Variants in ZBTB16 observed in about 807,000 individuals in gnomAD.
The protein encoded by ZBTB16 is zinc finger and BTB domain-containing protein 16.
In ZBTB16, 8 loss-of-function variants were observed where a neutral mutation model predicts 56.8. The observed-to-expected ratio is 0.14, with a 90% CI of 0.08 to 0.25. ZBTB16 has a LOEUF of 0.25. Among genes scored for constraint, ZBTB16 ranks in the 10% least tolerant of loss-of-function variants. The probability of loss-of-function intolerance (pLI) is 1.00; values close to 1 mark genes in which losing one functional copy is unlikely to be tolerated. For synonymous variants in ZBTB16, 363 were observed against 368.5 expected, an observed-to-expected ratio of 0.98 and a Z score of 0.17; for missense variants, 625 against 903.0, an observed-to-expected ratio of 0.69 and a Z score of 3.95.
At chr11:114,229,975 AATCAGAATC>A (rs1555158910) in intron 4 of ZBTB16, among the ~76,000 whole-genome samples, 2 of 152,136 alleles carry the variant, frequency 1.3e-5, no homozygotes, top group Non-Finnish European at 2.9e-5. Flanking sequence ...AACGCAGTGA[AATCAGAATC>A]ACCTGATTTC....
chr11:114,252,817 T>G lies in ZBTB16; in HGVS notation c.*2262T>G, dbSNP rs509103. ...CGGCCCCAGCCCTCCTGCCCTCCCC[T>G]TCAATCTCATCCACCAAATCTGAAG... is the stretch of plus-strand genomic sequence containing the variant. On this transcript the variant is annotated 3_prime_UTR_variant, in exon 7 of 7. Coordinates refer to ENST00000335953, the MANE Select transcript of ZBTB16 (RefSeq NM_006006.6). Among the ~76,000 whole-genome samples the G allele has an allele frequency of 0.37, 56,293 of 150,682 alleles. 10,942 individuals carry two copies. Among genetic ancestry groups the G allele is most frequent in the East Asian group, 0.73 (3,732 of 5,096 alleles).
At position 114,251,639 on chromosome 11, in the gene ZBTB16, A is replaced by T. The variant is rs1944918504; in HGVS notation, c.*1084A>T. ...AGCTGGGCAAGGGAGAAAGTTGTTG[A>T]GTCACACTGGGGACCCCAGATGTAG... On this transcript the variant is annotated 3_prime_UTR_variant, in exon 7 of 7. Coordinates refer to ENST00000335953, the MANE Select transcript of ZBTB16 (RefSeq NM_006006.6). 6.6e-6 allele frequency among the ~76,000 whole-genome samples: 1 copy of T among 152,172 alleles called. No homozygotes were observed. The highest frequency in any genetic ancestry group is 1.5e-5 in the Non-Finnish European group (1 of 68,032).
At chr11:114,152,313 G>A (rs1942297777) in intron 2 of ZBTB16, among the ~76,000 whole-genome samples, 1 of 152,296 alleles carries the variant, frequency 6.6e-6, no homozygotes, top group South Asian at 2.1e-4. Context: ...GCACAGAAAT[G>A]GTTCAAATGA....
intron 2 of ZBTB16, among the ~76,000 whole-genome samples, chr11:114,110,758 A>T (rs1940975768): frequency 6.6e-6 from 1 of 152,318 alleles, no homozygotes; most frequent in Non-Finnish European, 1.5e-5. Flanking sequence ...TACGTAATAA[A>T]AAGCTTCATT....
chr11:114,193,499 A>G (rs1288345907), intron 4 of ZBTB16, among the ~76,000 whole-genome samples: 1 of 151,732 alleles, frequency 6.6e-6, no homozygotes, highest in African/African-American at 2.4e-5. Flanking sequence ...GACCATGGTG[A>G]CTCTTTCCGA....
rs537718124 is a variant in ZBTB16 at position 114,197,474 on chromosome 11, C to T, written c.1453+10436C>T. Among the ~76,000 whole-genome samples, 5 of 152,284 alleles carry T rather than the reference C, an allele frequency of 3.3e-5. No homozygotes were observed. In the South Asian group the frequency reaches 1.0e-3, roughly 32 times the overall value. On this transcript the variant is annotated intron_variant, in intron 4 of 6. Coordinates refer to ENST00000335953, the MANE Select transcript of ZBTB16 (RefSeq NM_006006.6). Reference sequence around the variant, plus strand: ...CTCTTTGTCTCTCTCTCTCTCTTTGCACTGTGTGGCCTCCCCCTTTGGAGG... The same window carrying T: ...CTCTTTGTCTCTCTCTCTCTCTTTGTACTGTGTGGCCTCCCCCTTTGGAGG...
chr11:114,115,420 G>A (rs1941141761), intron 2 of ZBTB16, among the ~76,000 whole-genome samples: 1 of 150,572 alleles, frequency 6.6e-6, no homozygotes, highest in East Asian at 2.0e-4. Flanking sequence ...TCTATTGTTG[G>A]GACTTCAAGA....
At chr11:114,140,940 C>T (rs914590503) in intron 2 of ZBTB16, among the ~76,000 whole-genome samples, 11 of 152,186 alleles carry the variant, frequency 7.2e-5, no homozygotes, top group African/African-American at 2.2e-4. Context: ...CGCTGAGCCT[C>T]CCGCGCCCAG....
chr11:114,241,581 A>C (rs1944704512), intron 4 of ZBTB16, among the ~76,000 whole-genome samples: 2 of 152,140 alleles, frequency 1.3e-5, no homozygotes, highest in Admixed American at 6.5e-5. Context: ...TACGTGGAAA[A>C]ATTGCCTTCC....
At chr11:114,062,312 AG>A (rs1938912926) in intron 1 of ZBTB16, among the ~76,000 whole-genome samples, 1 of 151,870 alleles carries the variant, frequency 6.6e-6, no homozygotes. Context: ...CATGTTGGTC[AG>A]GCTGGTCTCG....
intron 3 of ZBTB16, among the ~76,000 whole-genome samples, chr11:114,174,307 C>G (rs766764774): frequency 2.9e-5 from 4 of 139,242 alleles, no homozygotes; most frequent in Non-Finnish European, 4.6e-5. Context: ...GCCATTCTGA[C>G]TGAGGTTTTT....
At chr11:114,148,815 C>A (rs612895) in intron 2 of ZBTB16, among the ~76,000 whole-genome samples, 13,561 of 151,644 alleles carry the variant, frequency 0.089, 677 homozygotes, top group Admixed American at 0.13. Flanking sequence ...TTCTAAGAAC[C>A]CCATAGAGAG....
intron 5 of ZBTB16, among the ~76,000 whole-genome samples, chr11:114,245,288 C>T (rs1454516787): frequency 1.3e-5 from 2 of 152,196 alleles, no homozygotes; most frequent in Non-Finnish European, 1.5e-5. Context: ...GTGAGGGACT[C>T]GCTGGCCGAG....
chr11:114,199,232 G>A (rs946574240), intron 4 of ZBTB16, among the ~76,000 whole-genome samples: 7 of 151,640 alleles, frequency 4.6e-5, no homozygotes, highest in African/African-American at 1.7e-4. Context: ...CATGGATGCC[G>A]CTGGGCCCAG....
intron 2 of ZBTB16, among the ~76,000 whole-genome samples, chr11:114,146,418 T>G (rs549264200): frequency 6.6e-5 from 10 of 152,150 alleles, no homozygotes; most frequent in Admixed American, 1.3e-4. Flanking sequence ...AAGTAAGTCA[T>G]GTGGCCTCAC....
chr11:114,075,083 G>A lies in ZBTB16; in HGVS notation c.1268+10515G>A, dbSNP rs182041123. ...GCTAGCAGGGGCTGTTGCTGGGAGT[G>A]GGTGGATTTCATGGGAGGATTCCTT... On this transcript the variant is annotated intron_variant, in intron 2 of 6. Coordinates refer to ENST00000335953, the MANE Select transcript of ZBTB16 (RefSeq NM_006006.6). 3.7e-4 allele frequency among the ~76,000 whole-genome samples: 56 copies of A among 152,246 alleles called. No homozygotes were observed. In the East Asian group the frequency reaches 0.011, roughly 29 times the overall value.
chr11:114,182,713 T>TA (rs2135048181), intron 3 of ZBTB16, among the ~76,000 whole-genome samples: 1 of 152,254 alleles, frequency 6.6e-6, no homozygotes, highest in Non-Finnish European at 1.5e-5. Flanking sequence ...CTTCGCCCCC[T>TA]CCCATTGATG....
At chr11:114,155,544 G>T (rs1204784568) in intron 2 of ZBTB16, among the ~76,000 whole-genome samples, 1 of 152,278 alleles carries the variant, frequency 6.6e-6, no homozygotes, top group East Asian at 1.9e-4. Flanking sequence ...TCTTCCCAGG[G>T]GTGATAACAT....
At chr11:114,214,085 A>G (rs1476886033) in intron 4 of ZBTB16, among the ~76,000 whole-genome samples, 1 of 152,206 alleles carries the variant, frequency 6.6e-6, no homozygotes, top group Non-Finnish European at 1.5e-5. Flanking sequence ...GTGTAATCAG[A>G]TGCCAGCCTG....
Sources: allele counts gnomAD v4.1 joint callset (sites outside exome capture counted in the v4.1 genomes callset), GRCh38; gene constraint gnomAD v4.1.1; transcripts MANE v1.5; gene names NCBI Gene and HGNC (gene_info 2026-07-23, HGNC 2026-07-21).